Variants in FAM135B observed in about 807,000 individuals in gnomAD.
The protein encoded by FAM135B is family with sequence similarity 135 member B.
A neutral mutation model predicts 127.7 loss-of-function variants in FAM135B; 43 were observed. That is an observed-to-expected ratio of 0.34 (90% CI 0.26 to 0.43). The LOEUF (loss-of-function observed/expected upper bound fraction) is 0.43, where lower values mean the gene tolerates loss of function less well. Ranked by LOEUF, FAM135B falls within the 20% of genes least tolerant of loss-of-function variation. FAM135B has a pLI of 1.00. For missense variants in FAM135B, 1,558 were observed against 1,725.6 expected, an observed-to-expected ratio of 0.90 and a Z score of 1.72; for synonymous variants, 670 against 665.1, an observed-to-expected ratio of 1.01 and a Z score of -0.11.
At chr8:138,195,372 A>C in intron 8 of FAM135B, 65 bp from the exon 9 acceptor site, 1 of 1,538,890 alleles carries the variant, frequency 6.5e-7, no homozygotes, top group South Asian at 1.1e-5. Flanking sequence ...GTTGCTAATT[A>C]AATGAAAAAG....
intron 1 of FAM135B, among the ~76,000 whole-genome samples, chr8:138,454,018 T>C (rs1307335241): frequency 6.6e-6 from 1 of 152,072 alleles, no homozygotes. Flanking sequence ...GGTCGAGCTA[T>C]GCGTGCAACT....
intron 1 of FAM135B, among the ~76,000 whole-genome samples, chr8:138,492,185 CT>C (rs1220972844): frequency 6.6e-6 from 1 of 152,046 alleles, no homozygotes; most frequent in Non-Finnish European, 1.5e-5. Context: ...TCCTTGCCTT[CT>C]TCTCTCACGG....
At chr8:138,185,229 C>A (rs903615337) in intron 9 of FAM135B, among the ~76,000 whole-genome samples, 12 of 152,188 alleles carry the variant, frequency 7.9e-5, no homozygotes, top group African/African-American at 2.9e-4. Flanking sequence ...ATGGAGCACA[C>A]ATGTAACATA....
Position 138,132,742 on chromosome 8 carries a change from C to T in FAM135B, c.4072G>A (p.Asp1358Asn), listed in dbSNP as rs769486878. The T allele has an allele frequency of 1.2e-6, 2 of 1,614,152 alleles. No individual in the cohort carries two copies. The highest frequency in any genetic ancestry group is 1.7e-6 in the Non-Finnish European group (2 of 1,180,032). ...NLLGPLVEAK[D>N]CTLIRHNVFH... ...ACGTTGTGTCGGATTAAAGTGCAGTCCTTGGCTTCAACCAGAGGGCCCAGG... is the reference window on the plus strand; with the variant it reads ...ACGTTGTGTCGGATTAAAGTGCAGTTCTTGGCTTCAACCAGAGGGCCCAGG... Residue 1358 changes from aspartate (D) to asparagine (N), a missense_variant, in exon 20 of 20, where the codon GAC becomes AAC. Around this residue, in one of 5 missense-constraint regions of FAM135B, gnomAD observed 194 missense variants for 333.8 expected, o/e 0.58. Transcript: ENST00000395297. The surrounding 1 kb of genome is among the most constrained non-coding windows in gnomAD (Gnocchi z 4.5).
At chr8:138,232,168 G>T (rs897934707) in intron 7 of FAM135B, among the ~76,000 whole-genome samples, 1 of 152,194 alleles carries the variant, frequency 6.6e-6, no homozygotes, top group African/African-American at 2.4e-5. Flanking sequence ...CTGCTGCTCT[G>T]TCACCTTGTA....
At chr8:138,155,751 C>T (rs1364262505) in intron 12 of FAM135B, among the ~76,000 whole-genome samples, 1 of 152,142 alleles carries the variant, frequency 6.6e-6, no homozygotes, top group Non-Finnish European at 1.5e-5. Context: ...TCTAACTGTC[C>T]TAAATATATA....
intron 5 of FAM135B, among the ~76,000 whole-genome samples, chr8:138,255,279 A>G (rs1821990898): frequency 6.6e-6 from 1 of 152,162 alleles, no homozygotes; most frequent in South Asian, 2.1e-4. Flanking sequence ...CCAAAGGAAA[A>G]GGGGAAACAT....
intron 2 of FAM135B, among the ~76,000 whole-genome samples, chr8:138,348,893 G>A (rs1040247709): frequency 3.3e-5 from 5 of 152,242 alleles, no homozygotes; most frequent in Non-Finnish European, 7.3e-5. Flanking sequence ...TTGTCAACAC[G>A]TGCCCAGTGT....
chr8:138,291,479 A>G (rs1423564142), intron 3 of FAM135B, among the ~76,000 whole-genome samples: 1 of 152,182 alleles, frequency 6.6e-6, no homozygotes, highest in African/African-American at 2.4e-5. Flanking sequence ...AAACAAGATA[A>G]GGCCATCCAA....
At chr8:138,178,226 T>A (rs1480738792) in intron 10 of FAM135B, among the ~76,000 whole-genome samples, 4 of 149,820 alleles carry the variant, frequency 2.7e-5, no homozygotes, top group African/African-American at 7.4e-5. Context: ...CCAGTCTGGG[T>A]GACAGAGCGA....
At chr8:138,172,525 G>C (rs1297746906) in intron 11 of FAM135B, among the ~76,000 whole-genome samples, 2 of 152,178 alleles carry the variant, frequency 1.3e-5, no homozygotes, top group Non-Finnish European at 2.9e-5. Flanking sequence ...GGTCAAATCA[G>C]GAACTTTCTA....
intron 1 of FAM135B, among the ~76,000 whole-genome samples, chr8:138,390,540 C>T (rs183907941): frequency 2.8e-4 from 42 of 152,248 alleles, no homozygotes; most frequent in African/African-American, 9.4e-4. Flanking sequence ...TGAAAAGGGA[C>T]TAATATAGTG....
At chr8:138,404,195 T>C (rs997259170) in intron 1 of FAM135B, among the ~76,000 whole-genome samples, 2 of 152,178 alleles carry the variant, frequency 1.3e-5, no homozygotes, top group African/African-American at 4.8e-5. Flanking sequence ...TCATGGATTT[T>C]TTTGGTTTCT....
At chr8:138,149,007 C>T (rs1452088763) in intron 13 of FAM135B, among the ~76,000 whole-genome samples, 3 of 150,470 alleles carry the variant, frequency 2.0e-5, no homozygotes, top group Admixed American at 6.7e-5. Flanking sequence ...GGAGGGATAG[C>T]ATTAGGAGAT....
chr8:138,422,742 C>A (rs1607553), intron 1 of FAM135B, among the ~76,000 whole-genome samples: 3 of 152,018 alleles, frequency 2.0e-5, no homozygotes, highest in Non-Finnish European at 4.4e-5. Flanking sequence ...TATCATTCAA[C>A]CCAGCAATTG....
chr8:138,323,358 C>A (rs1827580689), intron 2 of FAM135B, among the ~76,000 whole-genome samples: 1 of 152,198 alleles, frequency 6.6e-6, no homozygotes, highest in African/African-American at 2.4e-5. Context: ...GACTCCCTTG[C>A]AGCTAGGAGA....
intron 17 of FAM135B, 105 bp from the exon 18 acceptor site, chr8:138,139,201 T>C: frequency 1.5e-6 from 1 of 683,126 alleles, no homozygotes; most frequent in Middle Eastern, 3.2e-4. Context: ...TTTAGTTAAC[T>C]TGAAAATAAG....
At position 138,132,643 on chromosome 8, in the gene FAM135B, G is replaced by C. The variant is rs2130483022; in HGVS notation, c.4171C>G (p.Leu1391Val). The change falls in exon 20 of 20, where the codon CTC becomes GTC. Residue 1391 changes from leucine to valine, a missense_variant. By Grantham distance (32) the Leu-to-Val change is conservative (BLOSUM62 1). Around this residue, in one of 5 missense-constraint regions of FAM135B, gnomAD observed 194 missense variants for 333.8 expected, o/e 0.58. Transcript: ENST00000395297. This position sits in a 1 kb window ranked among gnomAD's most constrained non-coding sequence, Gnocchi z 4.5. The stretch of plus-strand genomic sequence containing the variant: ...ACCAAGAAAAACTTCTCCAGGAAGA[G>C]TTCTGAATCCAGCACAGCGATGTGA... ...AAHIAVLDSELFLEKFFLVAG... is the reference protein window; with the variant it reads ...AAHIAVLDSEVFLEKFFLVAG... The C allele has an allele frequency of 6.2e-7, 1 of 1,614,216 alleles. No individual in the cohort carries two copies. Among genetic ancestry groups the C allele is most frequent in the Non-Finnish European group, 8.5e-7 (1 of 1,180,036 alleles).
At chr8:138,419,930 G>A (rs546072637) in intron 1 of FAM135B, among the ~76,000 whole-genome samples, 1 of 152,124 alleles carries the variant, frequency 6.6e-6, no homozygotes, top group South Asian at 2.1e-4. Context: ...ACACCTAGGG[G>A]AACCAGAAAA....
Sources: gnomAD v4.1 joint callset for allele counts (sites outside exome capture counted in the v4.1 genomes callset) on GRCh38, gnomAD v4.1.1 for gene constraint, gnomAD v4.1.1 regional missense constraint, Gnocchi (gnomAD v3.1) non-coding constraint, MANE v1.5 for transcripts, NCBI Gene and HGNC (gene_info 2026-07-23, HGNC 2026-07-21) for gene names.